Variants in ANXA8 observed in about 807,000 individuals in gnomAD.
The protein encoded by ANXA8 is VAC-beta.
A neutral mutation model predicts 26.8 loss-of-function variants in ANXA8; 9 were observed. The ratio of observed to expected loss-of-function variants is 0.34; its 90% CI spans 0.20 to 0.59. The LOEUF (loss-of-function observed/expected upper bound fraction) is 0.59. Among genes scored for constraint, ANXA8 ranks in the 20% least tolerant of loss-of-function variants. The pLI, the probability that ANXA8 is intolerant of heterozygous loss-of-function variation, is 0.84. For missense variants in ANXA8, 83 were observed against 238.5 expected, an observed-to-expected ratio of 0.35 and a Z score of 4.29; for synonymous variants, 39 against 94.8, an observed-to-expected ratio of 0.41 and a Z score of 3.42.
the ANXA8 span, among the ~76,000 whole-genome samples, chr10:47,778,746 C>T: frequency 6.6e-6 from 1 of 151,778 alleles, no homozygotes; most frequent in South Asian, 2.1e-4. Flanking sequence ...TAAATTGATG[C>T]CATTTTCAGG....
the ANXA8 span, among the ~76,000 whole-genome samples, chr10:47,573,296 T>C: frequency 6.7e-6 from 1 of 150,252 alleles, no homozygotes; most frequent in Non-Finnish European, 1.5e-5. Context: ...TTTTTGTTTT[T>C]AAAATATATT....
chr10:47,584,158 G>A, the ANXA8 span, among the ~76,000 whole-genome samples: 2 of 149,678 alleles, frequency 1.3e-5, no homozygotes, highest in East Asian at 3.9e-4. Flanking sequence ...CAGCCTGGGC[G>A]AGAGGAGACC....
the ANXA8 span, among the ~76,000 whole-genome samples, chr10:47,676,700 A>G: frequency 2.1e-4 from 32 of 151,706 alleles, 1 homozygote; most frequent in African/African-American, 7.5e-4. Context: ...TGGGCAAATC[A>G]CAAGGTCAAG....
At chr10:47,670,701 A>G in the ANXA8 span, among the ~76,000 whole-genome samples, 10 of 151,724 alleles carry the variant, frequency 6.6e-5, no homozygotes, top group African/African-American at 2.4e-4. Flanking sequence ...CCCACTTTAA[A>G]TTGTGTTGTC....
At chr10:47,954,203 T>C in the ANXA8 span, among the ~76,000 whole-genome samples, 1 of 150,636 alleles carries the variant, frequency 6.6e-6, no homozygotes, top group Non-Finnish European at 1.5e-5. Context: ...TGGAGTACGA[T>C]TCAGCCATAA....
chr10:47,951,715 G>A, the ANXA8 span, among the ~76,000 whole-genome samples: 1 of 148,718 alleles, frequency 6.7e-6, no homozygotes, highest in African/African-American at 2.5e-5. Context: ...GGAAGCTGAG[G>A]CAGGAGAATC....
the ANXA8 span, among the ~76,000 whole-genome samples, chr10:47,943,923 G>A: frequency 3.6e-3 from 538 of 147,816 alleles, 39 homozygotes; most frequent in Non-Finnish European, 6.3e-3. Flanking sequence ...GCCAAAACTG[G>A]CAAGGAGTGG....
chr10:47,482,129 C>T (rs1839844560), intron 1 of ANXA8, among the ~76,000 whole-genome samples: 2 of 137,150 alleles, frequency 1.5e-5, no homozygotes, highest in Non-Finnish European at 3.1e-5. Context: ...CCATCGCGTT[C>T]CTGGCCCAGC....
chr10:47,986,652 A>G, the ANXA8 span: 1,857 of 365,530 alleles, frequency 5.1e-3, 62 homozygotes, highest in African/African-American at 0.038. Context: ...GAGAACACAC[A>G]GCGCTCCAGA....
At chr10:47,488,713 ATTTTTTTT>A (rs1160121365), upstream of ANXA8, among the ~76,000 whole-genome samples, 60 of 62,086 alleles carry the variant, frequency 9.7e-4, no homozygotes, top group African/African-American at 1.6e-3. Flanking sequence ...TACATGTTAA[ATTTTTTTT>A]TTTTTTTTTT....
chr10:47,896,994 G>A, the ANXA8 span, among the ~76,000 whole-genome samples: 2 of 140,338 alleles, frequency 1.4e-5, no homozygotes, highest in South Asian at 2.4e-4. Context: ...TCAGTGGCGC[G>A]ATCTCGGCTC....
chr10:47,684,057 A>G, the ANXA8 span, among the ~76,000 whole-genome samples: 1 of 151,916 alleles, frequency 6.6e-6, no homozygotes, highest in South Asian at 2.1e-4. Flanking sequence ...TTATGGTTGT[A>G]TTGGTTTTTC....
the ANXA8 span, among the ~76,000 whole-genome samples, chr10:47,666,914 A>G: frequency 2.0e-5 from 3 of 152,134 alleles, no homozygotes; most frequent in South Asian, 6.2e-4. Flanking sequence ...TTCAGGTTAG[A>G]ACATAAATTA....
At chr10:47,738,132 T>G in the ANXA8 span, among the ~76,000 whole-genome samples, 1 of 151,204 alleles carries the variant, frequency 6.6e-6, no homozygotes, top group Non-Finnish European at 1.5e-5. Context: ...CATGAACATT[T>G]GTGTGCAAGT....
the ANXA8 span, among the ~76,000 whole-genome samples, chr10:47,589,903 T>TGATTGATA: frequency 8.0e-6 from 1 of 125,664 alleles, no homozygotes; most frequent in Non-Finnish European, 1.6e-5. Context: ...GATAGATAGA[T>TGATTGATA]GATAGATAGA....
the ANXA8 span, among the ~76,000 whole-genome samples, chr10:47,492,571 T>A: frequency 6.9e-6 from 1 of 144,706 alleles, no homozygotes. Context: ...CTTCCCTTAG[T>A]CACCAGCCCA....
the ANXA8 span, among the ~76,000 whole-genome samples, chr10:47,557,846 G>GA: frequency 6.6e-6 from 1 of 151,432 alleles, no homozygotes; most frequent in African/African-American, 2.4e-5. Context: ...GGAAAAGGAA[G>GA]AAAAATTCAA....
At chr10:47,655,611 C>A in the ANXA8 span, among the ~76,000 whole-genome samples, 1 of 151,898 alleles carries the variant, frequency 6.6e-6, no homozygotes, top group East Asian at 1.9e-4. Flanking sequence ...GAAGATTGAA[C>A]GGGAGGAGCA....
At chr10:47,674,726 C>T in the ANXA8 span, among the ~76,000 whole-genome samples, 2 of 151,668 alleles carry the variant, frequency 1.3e-5, no homozygotes, top group African/African-American at 2.4e-5. Context: ...TTTATTTATC[C>T]ATTCAATTTT....
Sources: gnomAD v4.1 joint callset for allele counts (sites outside exome capture counted in the v4.1 genomes callset) on GRCh38, gnomAD v4.1.1 for gene constraint, MANE v1.5 for transcripts, NCBI Gene and HGNC (gene_info 2026-07-23, HGNC 2026-07-21) for gene names.